NKAIN3: variants seen among roughly 807,000 people sequenced by gnomAD.
NKAIN3 encodes the protein sodium/potassium-transporting ATPase subunit beta-1-interacting protein 3.
In NKAIN3, 25 loss-of-function variants were observed where a neutral mutation model predicts 30.2. The observed-to-expected ratio is 0.83, with a 90% CI of 0.60 to 1.16. The LOEUF (loss-of-function observed/expected upper bound fraction) is 1.16, where lower values mean the gene tolerates loss of function less well. NKAIN3 is among the 50% of genes most tolerant of loss of function. The pLI is 0.00. For synonymous variants in NKAIN3, 91 were observed against 89.6 expected, an observed-to-expected ratio of 1.02 and a Z score of -0.09; for missense variants, 225 against 254.1, an observed-to-expected ratio of 0.89 and a Z score of 0.78.
intron 1 of NKAIN3, among the ~76,000 whole-genome samples, chr8:62,289,951 C>A (rs183491325): frequency 5.3e-5 from 8 of 152,270 alleles, no homozygotes; most frequent in Admixed American, 2.6e-4. Flanking sequence ...TTGAAGAGGT[C>A]CTTCACATCC....
chr8:62,374,757 G>A (rs538179102), intron 1 of NKAIN3, among the ~76,000 whole-genome samples: 3 of 152,312 alleles, frequency 2.0e-5, no homozygotes, highest in African/African-American at 4.8e-5. Context: ...TCAAACAAAT[G>A]TGTGTTAAAA....
intron 1 of NKAIN3, among the ~76,000 whole-genome samples, chr8:62,520,657 A>G (rs146218871): frequency 6.6e-6 from 1 of 152,206 alleles, no homozygotes; most frequent in East Asian, 1.9e-4. Flanking sequence ...CACTGAAATA[A>G]CTACAGGTTT....
rs557915290 is a variant in NKAIN3, at chr8:62,535,355, C to A, written c.55-44184C>A. 7.2e-5 allele frequency among the ~76,000 whole-genome samples: 11 copies of A among 152,196 alleles called. No individual in the cohort carries two copies. The East Asian group carries it at 7.8e-4, about 11-fold the overall frequency. ...TTCCCCACACACCAAGCAGTGAACACCAGCTGGGTGTCCTCTAATTCAATT... is the reference window on the plus strand; with the variant it reads ...TTCCCCACACACCAAGCAGTGAACAACAGCTGGGTGTCCTCTAATTCAATT... On this transcript the variant is annotated intron_variant, in intron 1 of 6. Transcript: ENST00000623646.
intron 5 of NKAIN3, among the ~76,000 whole-genome samples, chr8:62,938,222 T>G (rs1822848148): frequency 6.6e-6 from 1 of 152,100 alleles, no homozygotes; most frequent in African/African-American, 2.4e-5. Flanking sequence ...AGGGGAAGTT[T>G]GTATCCTCCC....
intron 1 of NKAIN3, chr8:62,344,903 G>C: frequency 5.0e-6 from 2 of 400,880 alleles, no homozygotes; most frequent in South Asian, 3.8e-5. Flanking sequence ...TGAGTAGCTT[G>C]GAAATTTTAA....
intron 4 of NKAIN3, among the ~76,000 whole-genome samples, chr8:62,762,220 G>T (rs1816689584): frequency 1.3e-5 from 2 of 152,066 alleles, no homozygotes; most frequent in Non-Finnish European, 2.9e-5. Context: ...GGAGGCTGAG[G>T]CAGAAGAATA....
intron 1 of NKAIN3, among the ~76,000 whole-genome samples, chr8:62,369,928 A>T (rs1006579916): frequency 4.6e-5 from 7 of 152,142 alleles, no homozygotes; most frequent in Middle Eastern, 3.4e-3. Context: ...AGAAAAAAAA[A>T]GTCTTAAAGA....
intron 3 of NKAIN3, among the ~76,000 whole-genome samples, chr8:62,638,348 A>G (rs562868416): frequency 6.6e-6 from 1 of 152,254 alleles, no homozygotes; most frequent in East Asian, 1.9e-4. Flanking sequence ...TAATCTGAGA[A>G]GTACATTCTA....
Position 62,980,880 on chromosome 8 carries a change from G to T in NKAIN3, c.*15473G>T, listed in dbSNP as rs1269277831. 6.6e-6 allele frequency: 1 copy of T among 152,136 alleles called. No individual in the cohort carries two copies. Among genetic ancestry groups the T allele is most frequent in the African/African-American group, 2.4e-5 (1 of 41,430 alleles). The allele number at this position is 152,136 out of a possible 1,614,324, so 9.4% of individuals were successfully genotyped here. ...TGTTATGGATTTTAAGAATCAGTTG[G>T]TGTTAGAATTTTTAATAACACAGAG... On this transcript the variant is annotated 3_prime_UTR_variant, in exon 7 of 7. Coordinates refer to ENST00000623646, the MANE Select transcript of NKAIN3 (RefSeq NM_001304533.3).
At chr8:62,872,374 A>G (rs1433756656) in intron 4 of NKAIN3, among the ~76,000 whole-genome samples, 2 of 152,344 alleles carry the variant, frequency 1.3e-5, no homozygotes. Context: ...TAGGACTAAT[A>G]TTCATTTTGA....
chr8:62,966,527 T>C lies in NKAIN3; in HGVS notation c.*1120T>C, dbSNP rs951195846. 6.3e-6 allele frequency: 2 copies of C among 316,368 alleles called. No individual in the cohort carries two copies. The highest frequency in any genetic ancestry group is 4.6e-6 in the Non-Finnish European group (1 of 218,450). 19.6% of individuals were successfully genotyped at this position (316,368 alleles called of 1,614,324 possible). On this transcript the variant is annotated 3_prime_UTR_variant, in exon 7 of 7. Coordinates refer to ENST00000623646, the MANE Select transcript of NKAIN3 (RefSeq NM_001304533.3). Reference sequence around the variant, plus strand: ...TGTACATACCCATGTAACCAAGGCCTCAATCAAAATGCAGAACATTTCCGT... The same window carrying C: ...TGTACATACCCATGTAACCAAGGCCCCAATCAAAATGCAGAACATTTCCGT...
intron 3 of NKAIN3, among the ~76,000 whole-genome samples, chr8:62,689,840 T>C (rs553076193): frequency 4.6e-4 from 70 of 152,088 alleles, no homozygotes; most frequent in African/African-American, 1.7e-3. Context: ...TGACAAAGTC[T>C]CAGTTGGACC....
At chr8:62,345,498 TATATACACATATATACAC>T (rs1563942764) in intron 1 of NKAIN3, among the ~76,000 whole-genome samples, 30 of 27,144 alleles carry the variant, frequency 1.1e-3, no homozygotes, top group African/African-American at 4.2e-3. Flanking sequence ...TATACACACA[TATATACACATATATACAC>T]ATATATGTAT....
chr8:62,863,376 A>C, intron 4 of NKAIN3: 1 of 1,547,098 alleles, frequency 6.5e-7, no homozygotes, highest in Non-Finnish European at 8.8e-7. Flanking sequence ...TCACATATGC[A>C]TCATCCATAC....
chr8:62,758,433 T>C (rs546306746), intron 4 of NKAIN3, among the ~76,000 whole-genome samples: 1 of 152,318 alleles, frequency 6.6e-6, no homozygotes, highest in East Asian at 1.9e-4. Flanking sequence ...GTGAAGGATA[T>C]ACAAAAATTC....
intron 1 of NKAIN3, among the ~76,000 whole-genome samples, chr8:62,305,644 A>C (rs1340965588): frequency 1.3e-5 from 2 of 150,528 alleles, no homozygotes; most frequent in Non-Finnish European, 2.9e-5. Context: ...AGGATGCTGT[A>C]AATCTCTTTG....
intron 1 of NKAIN3, among the ~76,000 whole-genome samples, chr8:62,368,668 T>TAC (rs374425867): frequency 3.1e-4 from 47 of 152,202 alleles, no homozygotes; most frequent in African/African-American, 1.0e-3. Context: ...ATCACAACCT[T>TAC]ACACACACAC....
At chr8:62,580,792 CT>C (rs1810262428) in intron 2 of NKAIN3, among the ~76,000 whole-genome samples, 1 of 151,886 alleles carries the variant, frequency 6.6e-6, no homozygotes, top group Non-Finnish European at 1.5e-5. Flanking sequence ...TACTTTCCTT[CT>C]CTTAGAAATA....
chr8:62,257,314 TA>T (rs1812294287), intron 1 of NKAIN3, among the ~76,000 whole-genome samples: 1 of 152,216 alleles, frequency 6.6e-6, no homozygotes, highest in Non-Finnish European at 1.5e-5. Context: ...ATGAAATTTA[TA>T]ACATCCATCA....
Sources: gnomAD v4.1 joint callset for allele counts (sites outside exome capture counted in the v4.1 genomes callset) on GRCh38, gnomAD v4.1.1 for gene constraint, MANE v1.5 for transcripts, NCBI Gene and HGNC (gene_info 2026-07-23, HGNC 2026-07-21) for gene names.